The following BMPR1A variants were observed in gnomAD, a reference collection of about 807,000 sequenced individuals.
BMPR1A encodes the protein bone morphogenetic protein receptor type-1A.
A neutral mutation model predicts 66.0 loss-of-function variants in BMPR1A; 7 were observed. The observed-to-expected ratio is 0.11, with a 90% CI of 0.06 to 0.20. The LOEUF (loss-of-function observed/expected upper bound fraction) is 0.20. Among genes scored for constraint, BMPR1A ranks in the 10% least tolerant of loss-of-function variants. BMPR1A has a pLI of 1.00. For missense variants in BMPR1A, 408 were observed against 669.1 expected (o/e 0.61, Z 4.31); for synonymous variants, 200 against 229.7 (o/e 0.87, Z 1.17).
chr10:86,919,573 T>C (rs2133594985), intron 10 of BMPR1A, 104 bp downstream of exon 10: 1 of 1,440,634 alleles, frequency 6.9e-7, no homozygotes, highest in Non-Finnish European at 9.6e-7. Context: ...TGCATATGCT[T>C]GTTTTTAGTT....
chr10:86,909,229 C>A (rs1350712570), intron 7 of BMPR1A, among the ~76,000 whole-genome samples: 1 of 152,026 alleles, frequency 6.6e-6, no homozygotes, highest in Non-Finnish European at 1.5e-5. Context: ...TTGTCATATT[C>A]CCCAGTGTAA....
chr10:86,760,244 CTTTCTTTTTTT>C (rs1261840941), intron 1 of BMPR1A, among the ~76,000 whole-genome samples: 4 of 27,822 alleles, frequency 1.4e-4, no homozygotes, highest in Non-Finnish European at 2.6e-4. Context: ...TTCTTTCTTT[CTTTCTTTTTTT>C]TTTTTTTTTT....
At chr10:86,827,028 AAAT>A (rs1423957124) in intron 1 of BMPR1A, among the ~76,000 whole-genome samples, 2 of 152,092 alleles carry the variant, frequency 1.3e-5, no homozygotes, top group African/African-American at 2.4e-5. Context: ...TATCCATTTT[AAAT>A]AATAATAACA....
At chr10:86,836,939 GA>G (rs557872311) in intron 1 of BMPR1A, among the ~76,000 whole-genome samples, 102 of 152,182 alleles carry the variant, frequency 6.7e-4, no homozygotes, top group Non-Finnish European at 1.2e-3. Flanking sequence ...TCTCAAAAAA[GA>G]AAAAGAAGAA....
At chr10:86,898,414 C>G (rs910843208) in intron 5 of BMPR1A, among the ~76,000 whole-genome samples, 1 of 152,024 alleles carries the variant, frequency 6.6e-6, no homozygotes, top group Non-Finnish European at 1.5e-5. Context: ...TTTCATCTTC[C>G]TGGGATATAA....
intron 8 of BMPR1A, among the ~76,000 whole-genome samples, chr10:86,914,021 A>G (rs1192196046): frequency 6.6e-6 from 1 of 152,168 alleles, no homozygotes; most frequent in Non-Finnish European, 1.5e-5. Context: ...CTCAATAATG[A>G]TCTCAATTTG....
chr10:86,781,517 G>T (rs957456394), intron 1 of BMPR1A, among the ~76,000 whole-genome samples: 3 of 152,084 alleles, frequency 2.0e-5, no homozygotes, highest in Non-Finnish European at 4.4e-5. Context: ...GGGCTTTTGT[G>T]GTTCTGTACA....
At chr10:86,808,805 T>C (rs528292300) in intron 1 of BMPR1A, among the ~76,000 whole-genome samples, 1 of 152,326 alleles carries the variant, frequency 6.6e-6, no homozygotes, top group East Asian at 1.9e-4. Flanking sequence ...TCAAACTTTG[T>C]CTGGTTTTCA....
At chr10:86,792,151 TCCAACTC>T (rs1841637364) in intron 1 of BMPR1A, among the ~76,000 whole-genome samples, 1 of 136,494 alleles carries the variant, frequency 7.3e-6, no homozygotes, top group Non-Finnish European at 1.5e-5. Context: ...CACTGCAACC[TCCAACTC>T]CCTGGTTCAA....
intron 1 of BMPR1A, among the ~76,000 whole-genome samples, chr10:86,804,794 T>TTG (rs1235134599): frequency 3.3e-4 from 25 of 75,264 alleles, no homozygotes; most frequent in African/African-American, 1.0e-3. Context: ...TTGTAGGTGT[T>TTG]TTTTTTTTTT....
At chr10:86,855,181 G>A in intron 2 of BMPR1A, 1 of 525,908 alleles carries the variant, frequency 1.9e-6, no homozygotes, top group South Asian at 5.7e-5. Context: ...TGGGATTACA[G>A]GCGTGAGCCA....
In BMPR1A at chr10:86,792,884, C is replaced by T. The variant is rs190614334; in HGVS notation, c.-268+35965C>T. Among the ~76,000 whole-genome samples the T allele has an allele frequency of 1.2e-4, 18 of 152,272 alleles. No homozygotes were observed. In the East Asian group the frequency reaches 3.5e-3, roughly 29 times the overall value. Reference sequence around the variant, plus strand: ...CTAAATTATATTGCTGTTCTGTGCTCTGTTTCCCTATATATAAATGGGATA... The same window carrying T: ...CTAAATTATATTGCTGTTCTGTGCTTTGTTTCCCTATATATAAATGGGATA... On this transcript the variant is annotated intron_variant, in intron 1 of 12. Transcript: ENST00000372037.
At chr10:86,778,399 C>G (rs1462488580) in intron 1 of BMPR1A, among the ~76,000 whole-genome samples, 1 of 151,972 alleles carries the variant, frequency 6.6e-6, no homozygotes, top group Non-Finnish European at 1.5e-5. Context: ...TTGCCTTGGC[C>G]TCCCAAAGTG....
intron 1 of BMPR1A, among the ~76,000 whole-genome samples, chr10:86,799,997 A>G (rs1264288285): frequency 6.6e-6 from 1 of 152,148 alleles, no homozygotes. Flanking sequence ...GATTTAACTA[A>G]AAACAAGAAA....
intron 1 of BMPR1A, among the ~76,000 whole-genome samples, chr10:86,787,889 C>CA (rs1318702857): frequency 1.3e-5 from 2 of 151,842 alleles, no homozygotes; most frequent in East Asian, 3.9e-4. Context: ...TCTGCCCCCC[C>CA]CCATAATCCA....
At chr10:86,763,957 A>T (rs1253967772) in intron 1 of BMPR1A, among the ~76,000 whole-genome samples, 1 of 151,830 alleles carries the variant, frequency 6.6e-6, no homozygotes, top group East Asian at 1.9e-4. Flanking sequence ...CGCCTAGCTA[A>T]TTTTTTCTAT....
intron 5 of BMPR1A, among the ~76,000 whole-genome samples, chr10:86,898,077 G>T (rs1843251519): frequency 6.6e-6 from 1 of 151,688 alleles, no homozygotes. Flanking sequence ...TCTATTTTTG[G>T]CTTCTTTTTA....
chr10:86,759,842 T>G (rs1295067613), intron 1 of BMPR1A, among the ~76,000 whole-genome samples: 4 of 152,222 alleles, frequency 2.6e-5, no homozygotes, highest in Non-Finnish European at 4.4e-5. Flanking sequence ...CTTCAATTTC[T>G]TTAATAGCTG....
intron 1 of BMPR1A, among the ~76,000 whole-genome samples, chr10:86,838,135 T>G (rs1426462758): frequency 6.6e-6 from 1 of 152,142 alleles, no homozygotes; most frequent in Non-Finnish European, 1.5e-5. Flanking sequence ...CTTTAGAAAT[T>G]TTTTTATGAC....
Sources: allele counts gnomAD v4.1 joint callset (sites outside exome capture counted in the v4.1 genomes callset), GRCh38; gene constraint gnomAD v4.1.1; transcripts MANE v1.5; gene names NCBI Gene and HGNC (gene_info 2026-07-23, HGNC 2026-07-21).